Variants in RASSF6 observed in about 807,000 individuals in gnomAD.
The protein encoded by RASSF6 is ras association domain-containing protein 6.
In RASSF6, 52 loss-of-function variants were observed where a neutral mutation model predicts 44.0. That is an observed-to-expected ratio of 1.18 (90% CI 0.95 to 1.49). RASSF6 has a LOEUF of 1.49. Ranked by LOEUF, RASSF6 falls within the 40% of genes most tolerant of loss-of-function variation. RASSF6 has a pLI of 0.00. For missense variants in RASSF6, 464 were observed against 393.3 expected (o/e 1.18, Z -1.52); for synonymous variants, 162 against 124.6 (o/e 1.30, Z -2.00).
At chr4:73,611,060 TCTC>T (rs1021989270) in intron 2 of RASSF6, among the ~76,000 whole-genome samples, 1 of 152,086 alleles carries the variant, frequency 6.6e-6, no homozygotes, top group Non-Finnish European at 1.5e-5. Context: ...ATCATTCACT[TCTC>T]CTTCTCTCTG....
chr4:73,586,387 G>A (rs544064786), intron 5 of RASSF6, among the ~76,000 whole-genome samples: 4 of 151,896 alleles, frequency 2.6e-5, no homozygotes, highest in South Asian at 2.1e-4. Context: ...ATAGTGTAGC[G>A]TTGAACAACT....
In RASSF6 at chr4:73,576,669, C is replaced by T; in HGVS notation, c.784G>A (p.Glu262Lys). The T allele has an allele frequency of 1.2e-6, 2 of 1,613,872 alleles. No homozygotes were observed. The highest frequency in any genetic ancestry group is 1.1e-5 in the South Asian group (1 of 91,056). ...LLQRLLQGPS[E>K]KNARIFLMDK... is the part of the protein sequence containing the mutation. Reference sequence around the variant, plus strand: ...ATGAGGAAAATGCGAGCATTCTTTTCAGAAGGTCCCTGTAGGAGCCTCTGC... The same window carrying T: ...ATGAGGAAAATGCGAGCATTCTTTTTAGAAGGTCCCTGTAGGAGCCTCTGC... Residue 262 changes from glutamate to lysine, a missense_variant, in exon 9 of 11, where the codon GAA (glutamate) becomes AAA (lysine). Coordinates refer to ENST00000307439, the MANE Select transcript of RASSF6 (RefSeq NM_177532.5).
intron 1 of RASSF6, chr4:73,615,892 A>G: frequency 6.5e-7 from 1 of 1,550,364 alleles, no homozygotes. Flanking sequence ...TGGACTTACC[A>G]GTTGCCTTGT....
intron 8 of RASSF6, 27 bp from the exon 9 acceptor site, chr4:73,576,758 A>C: frequency 2.3e-6 from 3 of 1,297,962 alleles, no homozygotes; most frequent in Non-Finnish European, 3.3e-6. Flanking sequence ...AATCAACCAC[A>C]ATCAGAAGTT....
chr4:73,615,799 T>C (rs899113626), intron 1 of RASSF6: 11 of 1,010,880 alleles, frequency 1.1e-5, no homozygotes, highest in South Asian at 6.9e-5. Context: ...GGAGGCAGTG[T>C]TGGGCAGCAT....
rs1722934953 is a variant in RASSF6, at chr4:73,571,796, T to A, written c.*4439A>T. 6.6e-6 allele frequency: 1 copy of A among 151,992 alleles called. No homozygotes were observed. The highest frequency in any genetic ancestry group is 2.4e-5 in the African/African-American group (1 of 41,416). The allele number at this position is 151,992 out of a possible 1,614,324, so 9.4% of individuals were successfully genotyped here. A position where few individuals can be genotyped will look rare whatever the true frequency, so the allele number is the denominator to read the frequency against. ...TCTTTACCATTAATAATAATATATA[T>A]TATCTAAAATTTAATTTGAGCTAAT... is the stretch of plus-strand genomic sequence containing the variant. On this transcript the variant is annotated 3_prime_UTR_variant, in exon 11 of 11. Transcript: ENST00000307439.
chr4:73,599,307 G>T (rs753633266), intron 2 of RASSF6, among the ~76,000 whole-genome samples: 2 of 152,200 alleles, frequency 1.3e-5, no homozygotes, highest in Non-Finnish European at 2.9e-5. Flanking sequence ...GTAAGCAAAG[G>T]CTCATTGTTA....
rs751911323 is a variant in RASSF6, at chr4:73,576,682, T to C, written c.771A>G (p.Leu257=). The C allele has an allele frequency of 6.2e-7, 1 of 1,613,718 alleles. No homozygotes were observed. Among genetic ancestry groups the C allele is most frequent in the South Asian group, 1.1e-5 (1 of 91,034 alleles). Residue 257 remains leucine, a synonymous_variant, in exon 9 of 11, where the codon CTA becomes CTG. Transcript: ENST00000307439. The part of the protein sequence containing the change: ...KTDIPLLQRL[L]QGPSEKNARI... Reference sequence around the variant, plus strand: ...GAGCATTCTTTTCAGAAGGTCCCTGTAGGAGCCTCTGCAGTAGCGGAATGT... The same window carrying C: ...GAGCATTCTTTTCAGAAGGTCCCTGCAGGAGCCTCTGCAGTAGCGGAATGT...
chr4:73,603,285 G>A (rs542518869), intron 2 of RASSF6, among the ~76,000 whole-genome samples: 178 of 152,166 alleles, frequency 1.2e-3, no homozygotes, highest in Non-Finnish European at 2.1e-3. Flanking sequence ...CTAAACTGAA[G>A]AAAACCAAAC....
chr4:73,578,024 T>C lies in RASSF6; in HGVS notation c.722-1293A>G, dbSNP rs193127525. On this transcript the variant is annotated intron_variant, in intron 8 of 10. Transcript: ENST00000307439. ...CTGCCCAAACAGGAGCCATATGCTC[T>C]CTTCTGACCTAGTTATTATTATCTG... Among the ~76,000 whole-genome samples, 611 of 143,560 alleles carry C rather than the reference T, an allele frequency of 4.3e-3. 5 individuals are homozygous for C. The highest frequency in any genetic ancestry group is 0.015 in the African/African-American group (588 of 38,536). The allele number at this position is 143,560 out of a possible 152,430, so 94.2% of individuals were successfully genotyped here.
At chr4:73,616,359 T>C (rs1305201573) in intron 1 of RASSF6, among the ~76,000 whole-genome samples, 1 of 152,156 alleles carries the variant, frequency 6.6e-6, no homozygotes, top group Non-Finnish European at 1.5e-5. Context: ...TTTCTGTAGC[T>C]TTCTAATTAC....
chr4:73,586,005 T>C (rs1329064807), intron 5 of RASSF6, among the ~76,000 whole-genome samples: 1 of 110,578 alleles, frequency 9.0e-6, no homozygotes, highest in Non-Finnish European at 1.7e-5. Flanking sequence ...CATTATATGT[T>C]GGCCCAAGTT....
At chr4:73,607,608 A>G (rs1458974280) in intron 2 of RASSF6, among the ~76,000 whole-genome samples, 1 of 152,166 alleles carries the variant, frequency 6.6e-6, no homozygotes, top group Non-Finnish European at 1.5e-5. Context: ...GTGGATCTCA[A>G]AGTGTGATCC....
intron 2 of RASSF6, among the ~76,000 whole-genome samples, chr4:73,607,597 T>C (rs1007981100): frequency 2.0e-5 from 3 of 152,240 alleles, no homozygotes; most frequent in South Asian, 2.1e-4. Flanking sequence ...TTTAGATCTA[T>C]GTGGATCTCA....
intron 6 of RASSF6, among the ~76,000 whole-genome samples, 191 bp from the exon 7 acceptor site, chr4:73,582,481 T>C (rs1207540806): frequency 6.6e-6 from 1 of 152,170 alleles, no homozygotes; most frequent in Admixed American, 6.6e-5. Context: ...TTATATTGTT[T>C]CTAGAGTAAA....
At chr4:73,607,445 T>C (rs1477960524) in intron 2 of RASSF6, among the ~76,000 whole-genome samples, 1 of 152,226 alleles carries the variant, frequency 6.6e-6, no homozygotes, top group Non-Finnish European at 1.5e-5. Flanking sequence ...GTCCTGAACT[T>C]TGATAGCTCC....
At position 73,582,226 on chromosome 4, in the gene RASSF6, G is replaced by T; in HGVS notation, c.632C>A (p.Thr211Asn). 5.0e-6 allele frequency: 8 copies of T among 1,595,136 alleles called. No individual in the cohort carries two copies. Among genetic ancestry groups the T allele is most frequent in the Non-Finnish European group, 6.9e-6 (8 of 1,167,726 alleles). ...TKVRVNSNMR[T>N]EEVIKQLLQK... ...GAGAAGTTGCTTTATTACTTCTTCA[G>T]TTCTCATGTTACTGTTTACTCTGAC... The change falls in exon 7 of 11, where the codon ACT (threonine) becomes AAT (asparagine). Residue 211 changes from threonine (T) to asparagine (N), a missense_variant. Thr to Asn is a moderately conservative substitution (Grantham distance 65, BLOSUM62 0). Coordinates refer to ENST00000307439, the MANE Select transcript of RASSF6 (RefSeq NM_177532.5).
intron 2 of RASSF6, among the ~76,000 whole-genome samples, chr4:73,605,878 A>G (rs1725587101): frequency 6.6e-6 from 1 of 152,116 alleles, no homozygotes; most frequent in African/African-American, 2.4e-5. Flanking sequence ...AGTGATGATG[A>G]GCATTTTTTC....
chr4:73,583,093 A>G (rs1402452979), intron 6 of RASSF6, among the ~76,000 whole-genome samples: 20 of 152,110 alleles, frequency 1.3e-4, no homozygotes, highest in Non-Finnish European at 2.9e-4. Context: ...GATGTTGTTT[A>G]TGTGAAGAAG....
Sources: gnomAD v4.1 joint callset for allele counts (sites outside exome capture counted in the v4.1 genomes callset) on GRCh38, gnomAD v4.1.1 for gene constraint, MANE v1.5 for transcripts, NCBI Gene and HGNC (gene_info 2026-07-23, HGNC 2026-07-21) for gene names.